NEGR1: variants seen among roughly 807,000 people sequenced by gnomAD.
NEGR1 encodes the protein neuronal growth regulator 1, also known as IgLON family member 4.
Under a neutral mutation model 40.9 loss-of-function variants are expected in NEGR1, and 10 were observed. The ratio of observed to expected loss-of-function variants is 0.24; its 90% CI spans 0.15 to 0.42. NEGR1 has a LOEUF of 0.42. Ranked by LOEUF, NEGR1 falls within the 10% of genes least tolerant of loss-of-function variation. NEGR1 has a pLI of 1.00. For synonymous variants in NEGR1, 185 were observed against 166.8 expected (o/e 1.11, Z -0.84); for missense variants, 352 against 438.9 (o/e 0.80, Z 1.77).
intron 4 of NEGR1, among the ~76,000 whole-genome samples, chr1:71,620,009 T>C (rs1366321989): frequency 1.3e-5 from 2 of 152,020 alleles, no homozygotes; most frequent in African/African-American, 2.4e-5. Context: ...AATCCAATAA[T>C]TATTTTAATA....
At chr1:71,611,524 A>G (rs1044205175) in intron 4 of NEGR1, among the ~76,000 whole-genome samples, 3 of 152,164 alleles carry the variant, frequency 2.0e-5, no homozygotes, top group Non-Finnish European at 2.9e-5. Flanking sequence ...GGTGCTTTAC[A>G]TTCTCGATTT....
chr1:72,031,354 A>G (rs1192988368), intron 1 of NEGR1, among the ~76,000 whole-genome samples: 1 of 152,226 alleles, frequency 6.6e-6, no homozygotes, highest in East Asian at 1.9e-4. Context: ...GGACTCCTCT[A>G]TATCCAGCCC....
chr1:71,800,895 A>G (rs1382362958), intron 2 of NEGR1, among the ~76,000 whole-genome samples: 1 of 152,172 alleles, frequency 6.6e-6, no homozygotes, highest in Non-Finnish European at 1.5e-5. Flanking sequence ...CTCTTGAGCA[A>G]TCTTTTCTGT....
chr1:71,610,881 G>T, intron 5 of NEGR1, 145 bp downstream of exon 5: 1 of 701,328 alleles, frequency 1.4e-6, no homozygotes, highest in Non-Finnish European at 2.4e-6. Context: ...TCCCTCCCAC[G>T]TGGGCCCCTT....
chr1:71,835,966 T>G (rs752726503), intron 2 of NEGR1, among the ~76,000 whole-genome samples: 1 of 151,998 alleles, frequency 6.6e-6, no homozygotes, highest in Non-Finnish European at 1.5e-5. Flanking sequence ...AGTAATTAAT[T>G]TGTTTCAGTG....
At chr1:71,649,928 T>C (rs1054764082) in intron 4 of NEGR1, among the ~76,000 whole-genome samples, 6 of 152,120 alleles carry the variant, frequency 3.9e-5, no homozygotes, top group Non-Finnish European at 7.4e-5. Context: ...GATGAACTCT[T>C]TGATATTCTT....
chr1:71,618,233 C>G (rs1650505493), intron 4 of NEGR1, among the ~76,000 whole-genome samples: 1 of 152,148 alleles, frequency 6.6e-6, no homozygotes, highest in African/African-American at 2.4e-5. Flanking sequence ...ACAAAAGACA[C>G]CCGAACTAGG....
chr1:72,224,176 A>T (rs1459562255), intron 1 of NEGR1, among the ~76,000 whole-genome samples: 1 of 147,012 alleles, frequency 6.8e-6, no homozygotes, highest in East Asian at 1.9e-4. Context: ...TCAGGCTTTC[A>T]TTGATGTATG....
intron 4 of NEGR1, among the ~76,000 whole-genome samples, chr1:71,652,611 C>T (rs1473949972): frequency 2.0e-5 from 3 of 152,182 alleles, no homozygotes; most frequent in East Asian, 1.9e-4. Flanking sequence ...GTGGCTCACG[C>T]GTATAGCACT....
chr1:71,432,529 T>G (rs1250035727), intron 6 of NEGR1, among the ~76,000 whole-genome samples: 4 of 152,146 alleles, frequency 2.6e-5, no homozygotes, highest in Admixed American at 2.6e-4. Flanking sequence ...CGCTTATCTA[T>G]GTAAAGATGA....
chr1:72,059,122 C>A (rs1275375151), intron 1 of NEGR1, among the ~76,000 whole-genome samples: 1 of 151,778 alleles, frequency 6.6e-6, no homozygotes, highest in African/African-American at 2.4e-5. Context: ...TTTTCTCTTA[C>A]TTTCAACTTC....
intron 2 of NEGR1, among the ~76,000 whole-genome samples, chr1:71,931,577 G>A (rs1432018195): frequency 1.3e-5 from 2 of 151,926 alleles, no homozygotes; most frequent in Admixed American, 6.6e-5. Context: ...AGCAAGAGGG[G>A]GCCTAACTCA....
intron 4 of NEGR1, among the ~76,000 whole-genome samples, chr1:71,633,101 T>C (rs946283427): frequency 2.6e-5 from 4 of 152,106 alleles, no homozygotes; most frequent in African/African-American, 9.6e-5. Flanking sequence ...TCAGGCCAAA[T>C]TATATTTTGT....
At chr1:71,428,304 C>T (rs1011692958) in intron 6 of NEGR1, among the ~76,000 whole-genome samples, 24 of 152,172 alleles carry the variant, frequency 1.6e-4, no homozygotes, top group African/African-American at 1.2e-4. Context: ...GAAGATTTCA[C>T]ACCTGCTATA....
chr1:71,742,296 C>T (rs906392253), intron 3 of NEGR1, among the ~76,000 whole-genome samples: 1 of 152,062 alleles, frequency 6.6e-6, no homozygotes, highest in African/African-American at 2.4e-5. Context: ...AGGAGAATGA[C>T]CCCTGTCAAG....
rs1409702223 is a variant in NEGR1, at chr1:71,701,995, A to G, written c.536-3856T>C. 2.0e-5 allele frequency among the ~76,000 whole-genome samples: 3 copies of G among 152,066 alleles called. No individual in the cohort carries two copies. The East Asian group carries it at 5.8e-4, about 29-fold the overall frequency. ...AGTTTATGGAGCAATAAGAGGGGGT[A>G]TATGGATAGATGAAATTATGGAAGT... On this transcript the variant is annotated intron_variant, in intron 3 of 6. Coordinates refer to ENST00000357731, the MANE Select transcript of NEGR1 (RefSeq NM_173808.3).
In NEGR1 at chr1:71,403,160, A is replaced by C. The variant is rs1277847341; in HGVS notation, c.*4286T>G. ...TGAACAGATATGGGAAAGAGGGCTTAAAAAATTCATTTGGCTTGAGATCTC... is the reference window on the plus strand; with the variant it reads ...TGAACAGATATGGGAAAGAGGGCTTCAAAAATTCATTTGGCTTGAGATCTC... On this transcript the variant is annotated 3_prime_UTR_variant, in exon 7 of 7. Transcript: ENST00000357731. 1 of 152,106 alleles carries C rather than the reference A, an allele frequency of 6.6e-6. No homozygotes were observed. Among genetic ancestry groups the C allele is most frequent in the Admixed American group, 6.6e-5 (1 of 15,262 alleles). 9.4% of individuals were successfully genotyped at this position (152,106 alleles called of 1,614,324 possible). A position where few individuals can be genotyped will look rare whatever the true frequency, so the allele number is the denominator to read the frequency against.
intron 1 of NEGR1, among the ~76,000 whole-genome samples, chr1:72,230,478 A>C (rs1654327744): frequency 6.6e-6 from 1 of 152,096 alleles, no homozygotes; most frequent in Admixed American, 6.6e-5. Context: ...CCAAAATGTA[A>C]ATCAAATTAT....
intron 1 of NEGR1, among the ~76,000 whole-genome samples, chr1:72,025,632 G>T (rs1376784882): frequency 6.6e-6 from 1 of 152,116 alleles, no homozygotes; most frequent in African/African-American, 2.4e-5. Flanking sequence ...GCACATGATG[G>T]AATAGGGAAA....
Sources: gnomAD v4.1 joint callset for allele counts (sites outside exome capture counted in the v4.1 genomes callset) on GRCh38, gnomAD v4.1.1 for gene constraint, MANE v1.5 for transcripts, NCBI Gene and HGNC (gene_info 2026-07-23, HGNC 2026-07-21) for gene names.